DPY30: variants seen among roughly 807,000 people sequenced by gnomAD.
The protein encoded by DPY30 is protein dpy-30 homolog.
In DPY30, 6 loss-of-function variants were observed where a neutral mutation model predicts 16.2. The ratio of observed to expected loss-of-function variants is 0.37; its 90% CI spans 0.20 to 0.73. DPY30 has a LOEUF of 0.73. DPY30 is among the 30% of genes least tolerant of loss of function. The pLI is 0.51. For synonymous variants in DPY30, 39 were observed against 38.8 expected, an observed-to-expected ratio of 1.00 and a Z score of -0.02; for missense variants, 73 against 113.1, an observed-to-expected ratio of 0.65 and a Z score of 1.61.
At chr2:32,034,906 G>T (rs1192278778) in intron 3 of DPY30, among the ~76,000 whole-genome samples, 1 of 151,918 alleles carries the variant, frequency 6.6e-6, no homozygotes, top group Non-Finnish European at 1.5e-5. Flanking sequence ...GGCTGAGGCA[G>T]GAGAGTCACT....
intron 3 of DPY30, among the ~76,000 whole-genome samples, chr2:32,036,173 T>G (rs1323326164): frequency 1.3e-5 from 2 of 151,544 alleles, no homozygotes; most frequent in East Asian, 3.9e-4. Flanking sequence ...AGATGGGGTC[T>G]CACTATGTTG....
At chr2:32,021,086 C>G (rs374517562), downstream of DPY30, 3 of 151,338 alleles carry the variant, frequency 2.0e-5, no homozygotes, top group Non-Finnish European at 4.4e-5. Context: ...CTGGGCAACA[C>G]GGTGAAACCC....
chr2:32,027,440 G>A (rs1191187291), intron 4 of DPY30, among the ~76,000 whole-genome samples: 1 of 148,344 alleles, frequency 6.7e-6, no homozygotes, highest in South Asian at 2.1e-4. Flanking sequence ...TGAGGCAAGA[G>A]AACTGCTTGA....
At chr2:32,033,533 G>A (rs992150591) in intron 3 of DPY30, among the ~76,000 whole-genome samples, 3 of 150,604 alleles carry the variant, frequency 2.0e-5, no homozygotes, top group Non-Finnish European at 3.0e-5. Context: ...CTAGCCAGGC[G>A]TGGTGGCACA....
chr2:32,036,908 C>A (rs186476894), intron 3 of DPY30, among the ~76,000 whole-genome samples: 4 of 151,930 alleles, frequency 2.6e-5, no homozygotes, highest in African/African-American at 9.6e-5. Context: ...ACGCCACAAC[C>A]AAATAACTTT....
At chr2:32,012,571 T>C (rs1171474239) in intron 5 of DPY30, among the ~76,000 whole-genome samples, 2 of 151,622 alleles carry the variant, frequency 1.3e-5, no homozygotes, top group African/African-American at 4.8e-5. Context: ...GCTGGGATCA[T>C]GGGTGCCCAC....
intron 3 of DPY30, among the ~76,000 whole-genome samples, chr2:32,038,451 A>G (rs1675838128): frequency 7.0e-6 from 1 of 143,294 alleles, no homozygotes; most frequent in Admixed American, 7.1e-5. Flanking sequence ...ACAGGGTCAC[A>G]TGCTGACACC....
At chr2:32,025,907 A>G (rs1675316583) in intron 4 of DPY30, among the ~76,000 whole-genome samples, 1 of 151,938 alleles carries the variant, frequency 6.6e-6, no homozygotes, top group Admixed American at 6.6e-5. Context: ...CAAGGGTTCA[A>G]AATCAACCTG....
chr2:32,037,300 A>C (rs1283894970), intron 3 of DPY30, among the ~76,000 whole-genome samples: 1 of 152,008 alleles, frequency 6.6e-6, no homozygotes, highest in Non-Finnish European at 1.5e-5. Context: ...CATATCTTTA[A>C]AGTACATATC....
At chr2:32,028,208 C>A (rs1458851942) in intron 4 of DPY30, among the ~76,000 whole-genome samples, 1 of 151,196 alleles carries the variant, frequency 6.6e-6, no homozygotes, top group African/African-American at 2.4e-5. Context: ...ACTCCTGGGC[C>A]CAAGCCCAAG....
Position 32,024,048 on chromosome 2 carries a change from C to G in DPY30, c.*136G>C. ...AATAAGGGAAATATGTTATCTTCTG[C>G]AATTCCAGAAATAGGTTCTGTTGTC... On this transcript the variant is annotated 3_prime_UTR_variant, in exon 5 of 5. Transcript: ENST00000342166. 1 of 1,495,002 alleles carries G rather than the reference C, an allele frequency of 6.7e-7. No individual in the cohort carries two copies. Among genetic ancestry groups the G allele is most frequent in the Non-Finnish European group, 8.8e-7 (1 of 1,130,152 alleles). 92.6% of individuals were successfully genotyped at this position (1,495,002 alleles called of 1,614,324 possible).
intron 3 of DPY30, among the ~76,000 whole-genome samples, chr2:32,036,044 G>T (rs945941069): frequency 3.3e-5 from 5 of 151,344 alleles, no homozygotes; most frequent in Non-Finnish European, 7.4e-5. Context: ...CAGTGCACTG[G>T]CATGATCCTG....
At chr2:32,016,901 G>C (rs1304737525) in intron 5 of DPY30, among the ~76,000 whole-genome samples, 1 of 151,672 alleles carries the variant, frequency 6.6e-6, no homozygotes, top group African/African-American at 2.4e-5. Context: ...TTGTTTTTTT[G>C]AGACAGAGTG....
In DPY30 at chr2:32,039,508, G is replaced by C. The variant is rs745966409; in HGVS notation, c.-36-16C>G. 2 of 1,613,192 alleles carry C rather than the reference G, an allele frequency of 1.2e-6. No homozygotes were observed. The highest frequency in any genetic ancestry group is 2.7e-5 in the African/African-American group (2 of 74,874). ...GGATACCAGTCTTGGAAAACAAGAA[G>C]AGCCGCGAGTTACCTGGGAGATTTC... On this transcript the variant is annotated splice_polypyrimidine_tract_variant and intron_variant, in intron 1 of 4. Transcript: ENST00000342166.
intron 3 of DPY30, among the ~76,000 whole-genome samples, chr2:32,035,801 G>C (rs1675712409): frequency 6.6e-6 from 1 of 151,588 alleles, no homozygotes; most frequent in African/African-American, 2.4e-5. Flanking sequence ...GGGCATGGTA[G>C]CGGGTGCCTA....
chr2:32,034,238 T>C (rs1304433744), intron 3 of DPY30, among the ~76,000 whole-genome samples: 1 of 152,176 alleles, frequency 6.6e-6, no homozygotes, highest in East Asian at 1.9e-4. Flanking sequence ...TCCATTTGCA[T>C]TGCTATAAAG....
intron 4 of DPY30, among the ~76,000 whole-genome samples, chr2:32,027,100 A>AC (rs1460638361): frequency 4.0e-5 from 6 of 151,612 alleles, no homozygotes; most frequent in Non-Finnish European, 5.9e-5. Flanking sequence ...ACATGGTGAA[A>AC]CCCCATCTCT....
chr2:32,028,021 A>G lies in DPY30; in HGVS notation c.227+1573T>C, dbSNP rs201950569. ...TTACAAATATAGCCATCAAAAACAA[A>G]TATTTACTGCTCATTCATATAGTTT... is the stretch of plus-strand genomic sequence containing the variant. On this transcript the variant is annotated intron_variant, in intron 4 of 4. Coordinates refer to ENST00000342166, the MANE Select transcript of DPY30 (RefSeq NM_001321209.2). Among the ~76,000 whole-genome samples the G allele has an allele frequency of 2.3e-3, 350 of 152,234 alleles. 4 individuals carry two copies. The highest frequency in any genetic ancestry group is 3.4e-3 in the Middle Eastern group (1 of 294).
intron 3 of DPY30, among the ~76,000 whole-genome samples, chr2:32,030,780 C>T (rs1296041895): frequency 6.6e-6 from 1 of 151,916 alleles, no homozygotes; most frequent in Non-Finnish European, 1.5e-5. Flanking sequence ...GCCTGACCGA[C>T]AAAGCAAGGC....
Sources: gnomAD v4.1 joint callset for allele counts (sites outside exome capture counted in the v4.1 genomes callset) on GRCh38, gnomAD v4.1.1 for gene constraint, MANE v1.5 for transcripts, NCBI Gene and HGNC (gene_info 2026-07-23, HGNC 2026-07-21) for gene names.